Variants in GTF2H3 observed in about 807,000 individuals in gnomAD.
GTF2H3 encodes general transcription factor IIH subunit 3.
In GTF2H3, 42 loss-of-function variants were observed where a neutral mutation model predicts 51.1. The ratio of observed to expected loss-of-function variants is 0.82; its 90% CI spans 0.64 to 1.06. The LOEUF (loss-of-function observed/expected upper bound fraction) is 1.06. GTF2H3 is among the 50% of genes least tolerant of loss of function. The pLI is 0.00. For synonymous variants in GTF2H3, 123 were observed against 123.8 expected (o/e 0.99, Z 0.04); for missense variants, 326 against 366.1 (o/e 0.89, Z 0.89).
chr12:123,646,255 CTT>C (rs34427180), intron 3 of GTF2H3, among the ~76,000 whole-genome samples: 119 of 135,662 alleles, frequency 8.8e-4, no homozygotes, highest in African/African-American at 1.1e-3. Context: ...TCTTCTATGT[CTT>C]TTTTTTTTTT....
At chr12:123,637,873 G>A (rs1955308101) in intron 1 of GTF2H3, among the ~76,000 whole-genome samples, 1 of 152,180 alleles carries the variant, frequency 6.6e-6, no homozygotes. Context: ...CAAATTGACA[G>A]CTACGCCTCC....
At chr12:123,637,491 C>T (rs542301742) in intron 1 of GTF2H3, among the ~76,000 whole-genome samples, 29 of 151,598 alleles carry the variant, frequency 1.9e-4, no homozygotes, top group African/African-American at 7.0e-4. Flanking sequence ...TTGCTTTTCC[C>T]TCTGTTTTTT....
Position 123,659,798 on chromosome 12 carries a change from G to T in GTF2H3, c.688G>T (p.Val230Leu). The T allele has an allele frequency of 6.2e-7, 1 of 1,611,032 alleles. No individual in the cohort carries two copies. Among genetic ancestry groups the T allele is most frequent in the South Asian group, 1.1e-5 (1 of 90,164 alleles). Residue 230 changes from valine to leucine, a missense_variant, in exon 11 of 13, where the codon GTG becomes TTG. Physicochemically the swap from Val to Leu is conservative, Grantham distance 32. Coordinates refer to ENST00000543341, the MANE Select transcript of GTF2H3 (RefSeq NM_001516.5). ...MPSLLQYLLW[V>L]FLPDQDQRSQ... is the part of the protein sequence containing the mutation. ...CTTTTGTTTGTTTGTTTTACAGTGGGTGTTTCTTCCCGATCAAGATCAGAG... is the reference window on the plus strand; with the variant it reads ...CTTTTGTTTGTTTGTTTTACAGTGGTTGTTTCTTCCCGATCAAGATCAGAG...
rs755379165 is a variant in GTF2H3 at position 123,633,856 on chromosome 12, A to G, written c.-4A>G. 1.4e-5 allele frequency: 22 copies of G among 1,613,256 alleles called. No homozygotes were observed. The South Asian group carries it at 2.1e-4, about 15-fold the overall frequency. On this transcript the variant is annotated 5_prime_UTR_variant, in exon 1 of 13. Coordinates refer to ENST00000543341, the MANE Select transcript of GTF2H3 (RefSeq NM_001516.5). ...TTGCTCTGCGCTGAGGTGCTGGGAC[A>G]GCCATGGTTTCAGACGGTGAGGACC...
chr12:123,644,882 T>G (rs1955425573), intron 2 of GTF2H3, among the ~76,000 whole-genome samples: 1 of 152,226 alleles, frequency 6.6e-6, no homozygotes, highest in African/African-American at 2.4e-5. Context: ...ACAGAACATG[T>G]GACATGTTTG....
At chr12:123,644,967 A>G (rs748803019) in intron 2 of GTF2H3, among the ~76,000 whole-genome samples, 11 of 152,264 alleles carry the variant, frequency 7.2e-5, no homozygotes, top group African/African-American at 1.4e-4. Flanking sequence ...TATAAGTACA[A>G]TTAGAAAACT....
chr12:123,641,792 C>T (rs12817576), intron 2 of GTF2H3, among the ~76,000 whole-genome samples: 45,409 of 151,952 alleles, frequency 0.3, 7,455 homozygotes, highest in Non-Finnish European at 0.38. Flanking sequence ...ATATTTTTTA[C>T]GTACTATATT....
chr12:123,657,574 G>C (rs890795978), intron 9 of GTF2H3, among the ~76,000 whole-genome samples: 1 of 152,174 alleles, frequency 6.6e-6, no homozygotes, highest in Non-Finnish European at 1.5e-5. Flanking sequence ...ACCATTGTTA[G>C]TGTTACTCCC....
Position 123,645,559 on chromosome 12 carries a change from A to C in GTF2H3, c.198A>C (p.Glu66Asp), listed in dbSNP as rs763737496. The C allele has an allele frequency of 7.9e-6, 12 of 1,514,666 alleles. No individual in the cohort carries two copies. The African/African-American group carries it at 1.6e-4, about 21-fold the overall frequency. The allele number at this position is 1,514,666 out of a possible 1,614,324, so 93.8% of individuals were successfully genotyped here. Residue 66 changes from glutamate (E) to aspartate (D), a missense_variant and splice_region_variant, in exon 3 of 13, where the codon GAA becomes GAC. Transcript: ENST00000543341. ...CTGTGATAGCAAGTCACATTCAAGAAAGGTATGACCATTGTGATTGCTTTT... is the reference window on the plus strand; with the variant it reads ...CTGTGATAGCAAGTCACATTCAAGACAGGTATGACCATTGTGATTGCTTTT... ...KLAVIASHIQ[E>D]SRFLYPGKNG...
chr12:123,655,943 C>G (rs942513035), intron 9 of GTF2H3, 119 bp downstream of exon 9: 3 of 622,834 alleles, frequency 4.8e-6, no homozygotes, highest in Non-Finnish European at 8.5e-6. Context: ...GTTATTCAGC[C>G]TAATTTTATC....
At chr12:123,654,663 T>C (rs1955563541) in intron 7 of GTF2H3, among the ~76,000 whole-genome samples, 1 of 151,998 alleles carries the variant, frequency 6.6e-6, no homozygotes, top group Non-Finnish European at 1.5e-5. Flanking sequence ...ATTTTGTGTA[T>C]GTGTGTGTTT....
At chr12:123,652,822 T>C in intron 7 of GTF2H3, 87 bp downstream of exon 7, 1 of 1,270,882 alleles carries the variant, frequency 7.9e-7, no homozygotes, top group Non-Finnish European at 1.1e-6. Context: ...TCACACCTGT[T>C]ATCCCAGCAC....
At position 123,647,945 on chromosome 12, in the gene GTF2H3, T is replaced by C. The variant is rs1167149940; in HGVS notation, c.201-18T>C. On this transcript the variant is annotated intron_variant, in intron 3 of 12. Coordinates refer to ENST00000543341, the MANE Select transcript of GTF2H3 (RefSeq NM_001516.5). ...GGTGAGGCCTGGTGTAACCAGGTTT[T>C]TTCCCCTGCTGTTTCAGCCGATTCT... 1.9e-6 allele frequency: 3 copies of C among 1,606,236 alleles called. No homozygotes were observed. The highest frequency in any genetic ancestry group is 1.7e-5 in the Admixed American group (1 of 58,370).
intron 1 of GTF2H3, among the ~76,000 whole-genome samples, chr12:123,634,979 C>T (rs1353622858): frequency 6.6e-6 from 1 of 152,128 alleles, no homozygotes; most frequent in Non-Finnish European, 1.5e-5. Flanking sequence ...CTGTGGGGAG[C>T]AAGAATAGAG....
chr12:123,640,267 A>G (rs982912270), intron 2 of GTF2H3, among the ~76,000 whole-genome samples: 2 of 151,092 alleles, frequency 1.3e-5, no homozygotes, highest in Non-Finnish European at 2.9e-5. Flanking sequence ...ACTGTAGATT[A>G]GTTTGGATTT....
chr12:123,634,999 T>C (rs1185174396), intron 1 of GTF2H3, among the ~76,000 whole-genome samples: 1 of 151,604 alleles, frequency 6.6e-6, no homozygotes, highest in Non-Finnish European at 1.5e-5. Flanking sequence ...GATAGGGGAG[T>C]CCTTTCAGGA....
chr12:123,656,688 T>A (rs147621003), intron 9 of GTF2H3, among the ~76,000 whole-genome samples: 1 of 152,300 alleles, frequency 6.6e-6, no homozygotes, highest in African/African-American at 2.4e-5. Flanking sequence ...TCTCCCTAAG[T>A]GGCAGTGCAG....
chr12:123,655,647 G>T, intron 8 of GTF2H3, 124 bp from the exon 9 acceptor site: 6 of 639,352 alleles, frequency 9.4e-6, no homozygotes, highest in Non-Finnish European at 1.7e-5. Flanking sequence ...TATCTGCCGT[G>T]CAGAGTCACG....
At chr12:123,652,756 CT>C in intron 7 of GTF2H3, 21 bp downstream of exon 7, 2 of 1,466,086 alleles carry the variant, frequency 1.4e-6, no homozygotes, top group African/African-American at 1.4e-5. Flanking sequence ...AAAATCATTA[CT>C]TTTTTATATG....
Sources: gnomAD v4.1 joint callset for allele counts (sites outside exome capture counted in the v4.1 genomes callset) on GRCh38, gnomAD v4.1.1 for gene constraint, MANE v1.5 for transcripts, NCBI Gene and HGNC (gene_info 2026-07-23, HGNC 2026-07-21) for gene names.